Variants in KCNIP4 observed in about 807,000 individuals in gnomAD.
KCNIP4 encodes potassium voltage-gated channel interacting protein 4.
Under a neutral mutation model 34.0 loss-of-function variants are expected in KCNIP4, and 12 were observed. The observed-to-expected ratio is 0.35, with a 90% CI of 0.23 to 0.57. The LOEUF (loss-of-function observed/expected upper bound fraction) is 0.57. Among genes scored for constraint, KCNIP4 ranks in the 20% least tolerant of loss-of-function variants. The probability of loss-of-function intolerance (pLI) is 0.83; values close to 1 mark genes in which losing one functional copy is unlikely to be tolerated. For synonymous variants in KCNIP4, 124 were observed against 102.2 expected (o/e 1.21, Z -1.29); for missense variants, 238 against 311.7 (o/e 0.76, Z 1.78).
chr4:21,153,386 T>A (rs1419077808), intron 1 of KCNIP4, among the ~76,000 whole-genome samples: 1 of 151,786 alleles, frequency 6.6e-6, no homozygotes, highest in African/African-American at 2.4e-5. Context: ...ATGAATGACA[T>A]TGAGCACTTT....
intron 1 of KCNIP4, among the ~76,000 whole-genome samples, chr4:21,809,600 T>C (rs1332952506): frequency 3.3e-5 from 5 of 152,214 alleles, no homozygotes; most frequent in African/African-American, 1.2e-4. Context: ...TCATCATGCA[T>C]ACCTGGGCAG....
chr4:21,443,200 G>GT (rs775347184), intron 1 of KCNIP4, among the ~76,000 whole-genome samples: 17 of 152,092 alleles, frequency 1.1e-4, no homozygotes, highest in Non-Finnish European at 1.9e-4. Flanking sequence ...CTCAAGCCTA[G>GT]TGAAGTCAGT....
chr4:21,673,268 A>G (rs1749642036), intron 1 of KCNIP4, among the ~76,000 whole-genome samples: 1 of 152,220 alleles, frequency 6.6e-6, no homozygotes, highest in Non-Finnish European at 1.5e-5. Flanking sequence ...CTACGGCCAC[A>G]GTTATCAACA....
chr4:21,338,118 C>T (rs1430703949), intron 1 of KCNIP4, among the ~76,000 whole-genome samples: 1 of 151,874 alleles, frequency 6.6e-6, no homozygotes, highest in Non-Finnish European at 1.5e-5. Flanking sequence ...GGAGAATGAA[C>T]CAAAATCCCT....
chr4:21,637,597 A>G (rs1425422364), intron 1 of KCNIP4, among the ~76,000 whole-genome samples: 1 of 152,022 alleles, frequency 6.6e-6, no homozygotes, highest in Non-Finnish European at 1.5e-5. Context: ...AGACTGGTGA[A>G]CATGGTAAAA....
intron 1 of KCNIP4, among the ~76,000 whole-genome samples, chr4:20,980,636 A>C (rs1026635260): frequency 6.6e-6 from 1 of 152,196 alleles, no homozygotes; most frequent in African/African-American, 2.4e-5. Flanking sequence ...TCTCATTCAA[A>C]TAGACTCAGA....
intron 1 of KCNIP4, among the ~76,000 whole-genome samples, chr4:21,227,536 T>C (rs759614819): frequency 2.2e-4 from 33 of 152,190 alleles, no homozygotes; most frequent in Non-Finnish European, 4.6e-4. Context: ...TTCATGGCTC[T>C]TCTCTCTTTT....
In KCNIP4 at chr4:21,112,102, G is replaced by A. The variant is rs75477563; in HGVS notation, c.62-229393C>T. Among the ~76,000 whole-genome samples the A allele has an allele frequency of 8.2e-3, 996 of 121,142 alleles. 33 individuals carry two copies. Among genetic ancestry groups the A allele is most frequent in the Admixed American group, 0.065 (827 of 12,760 alleles). The allele number at this position is 121,142 out of a possible 152,430, so 79.5% of individuals were successfully genotyped here. On this transcript the variant is annotated intron_variant, in intron 1 of 8. Transcript: ENST00000382152. Reference sequence around the variant, plus strand: ...TATATCATCTATCTATCTACCTGAAGTTGTAGTGGGTGAGAATCATTAGGA... The same window carrying A: ...TATATCATCTATCTATCTACCTGAAATTGTAGTGGGTGAGAATCATTAGGA...
intron 1 of KCNIP4, among the ~76,000 whole-genome samples, chr4:21,773,113 T>A (rs138557621): frequency 6.6e-6 from 1 of 152,038 alleles, no homozygotes; most frequent in South Asian, 2.1e-4. Context: ...TTTTGGTACA[T>A]TGCCTCTGTT....
intron 1 of KCNIP4, among the ~76,000 whole-genome samples, chr4:21,272,998 A>G (rs1762242111): frequency 6.6e-6 from 1 of 152,196 alleles, no homozygotes; most frequent in African/African-American, 2.4e-5. Context: ...CATAGCTAGA[A>G]TTGCAGTGTC....
chr4:21,681,659 C>A (rs1242993663), intron 1 of KCNIP4, among the ~76,000 whole-genome samples: 2 of 152,156 alleles, frequency 1.3e-5, no homozygotes, highest in African/African-American at 4.8e-5. Context: ...TTAGACCATT[C>A]TTGCATTGCT....
At chr4:21,213,195 A>G (rs1445513296) in intron 1 of KCNIP4, among the ~76,000 whole-genome samples, 1 of 152,176 alleles carries the variant, frequency 6.6e-6, no homozygotes, top group Non-Finnish European at 1.5e-5. Context: ...AGTTGGGGGC[A>G]CTTCTCAAAA....
chr4:21,124,747 G>C (rs1385217893), intron 1 of KCNIP4, among the ~76,000 whole-genome samples: 1 of 152,122 alleles, frequency 6.6e-6, no homozygotes, highest in Non-Finnish European at 1.5e-5. Context: ...CACCTTGACA[G>C]TGCAGCTGAC....
intron 1 of KCNIP4, among the ~76,000 whole-genome samples, chr4:21,117,339 C>G (rs1396048396): frequency 7.4e-6 from 1 of 134,634 alleles, no homozygotes; most frequent in Non-Finnish European, 1.6e-5. Context: ...TCATCTTCCT[C>G]GGTGATTCTC....
chr4:21,100,606 C>A (rs544280997), intron 1 of KCNIP4, among the ~76,000 whole-genome samples: 1 of 152,090 alleles, frequency 6.6e-6, no homozygotes, highest in African/African-American at 2.4e-5. Flanking sequence ...CTTCAGCAAC[C>A]ATCCCTGATC....
At chr4:21,774,714 CT>C (rs1719055654) in intron 1 of KCNIP4, among the ~76,000 whole-genome samples, 1 of 152,098 alleles carries the variant, frequency 6.6e-6, no homozygotes, top group South Asian at 2.1e-4. Context: ...CTCTGATATC[CT>C]TTCCTCCACT....
At position 21,412,699 on chromosome 4, in the gene KCNIP4, T is replaced by C. The variant is rs191081659; in HGVS notation, c.62-529990A>G. On this transcript the variant is annotated intron_variant, in intron 1 of 8. Coordinates refer to ENST00000382152, the MANE Select transcript of KCNIP4 (RefSeq NM_025221.6). ...CCTTTTAAATCTGTCTATAGCCTCATACTGGGTTTTATTTCCAGAAACTCC... is the reference window on the plus strand; with the variant it reads ...CCTTTTAAATCTGTCTATAGCCTCACACTGGGTTTTATTTCCAGAAACTCC... 3.3e-5 allele frequency among the ~76,000 whole-genome samples: 5 copies of C among 152,360 alleles called. 1 individual carries two copies. In the East Asian group the frequency reaches 9.7e-4, roughly 29 times the overall value.
chr4:21,221,750 G>T (rs1364542333), intron 1 of KCNIP4, among the ~76,000 whole-genome samples: 2 of 152,132 alleles, frequency 1.3e-5, no homozygotes, highest in Admixed American at 6.6e-5. Flanking sequence ...AAATAAAAAG[G>T]AATGAGAAGA....
At chr4:21,668,080 A>G (rs1265740460) in intron 1 of KCNIP4, among the ~76,000 whole-genome samples, 1 of 152,238 alleles carries the variant, frequency 6.6e-6, no homozygotes, top group Non-Finnish European at 1.5e-5. Flanking sequence ...TGTCCTTTGC[A>G]GGGACACGGA....
Sources: gnomAD v4.1 joint callset for allele counts (sites outside exome capture counted in the v4.1 genomes callset) on GRCh38, gnomAD v4.1.1 for gene constraint, MANE v1.5 for transcripts, NCBI Gene and HGNC (gene_info 2026-07-23, HGNC 2026-07-21) for gene names.